DNM3: variants seen among roughly 807,000 people sequenced by gnomAD.
DNM3 encodes the protein dynamin-3.
Under a neutral mutation model 101.6 loss-of-function variants are expected in DNM3, and 47 were observed. The ratio of observed to expected loss-of-function variants is 0.46; its 90% confidence interval spans 0.37 to 0.59. The LOEUF is 0.59. DNM3 is among the 20% of genes least tolerant of loss of function. The pLI is 0.00. For missense variants in DNM3, 849 were observed against 1,085.7 expected (o/e 0.78, Z 3.06); for synonymous variants, 385 against 387.9 (o/e 0.99, Z 0.09).
intron 14 of DNM3, among the ~76,000 whole-genome samples, chr1:172,144,167 G>C (rs528001099): frequency 1.4e-5 from 2 of 148,052 alleles, no homozygotes; most frequent in South Asian, 4.3e-4. Flanking sequence ...GAAAACACTT[G>C]AATTATCAAT....
intron 2 of DNM3, among the ~76,000 whole-genome samples, chr1:171,960,294 A>ACTTAGG (rs1342652476): frequency 6.6e-6 from 1 of 152,146 alleles, no homozygotes; most frequent in Non-Finnish European, 1.5e-5. Flanking sequence ...CAACACTTCA[A>ACTTAGG]CTTAGGCTTC....
chr1:171,952,964 A>T (rs2042623166), intron 2 of DNM3, among the ~76,000 whole-genome samples: 1 of 152,052 alleles, frequency 6.6e-6, no homozygotes. Flanking sequence ...TTATTCTCTC[A>T]ATTCAGAGAG....
rs768247468 is a variant in DNM3, at chr1:171,987,789, A to G, written c.369A>G (p.Arg123=). The change falls in exon 3 of 21, where the codon CGA becomes CGG. Residue 123 remains arginine (R), a synonymous_variant. Coordinates refer to ENST00000627582, the MANE Select transcript of DNM3 (RefSeq NM_015569.5). ...TTTCCTCCATACCCATTAATTTACG[A>G]GTCTATTCCCCACACGGTAAGTAAA... is the stretch of plus-strand genomic sequence containing the variant. ...KGISSIPINL[R]VYSPHVLNLT... The G allele has an allele frequency of 7.6e-6, 12 of 1,570,266 alleles. No homozygotes were observed. In the South Asian group the frequency reaches 9.7e-5, roughly 13 times the overall value.
At position 172,092,880 on chromosome 1, in the gene DNM3, G is replaced by A. The variant is rs760241194; in HGVS notation, c.1545+5G>A. The A allele has an allele frequency of 6.4e-7, 1 of 1,556,888 alleles. No individual in the cohort carries two copies. Among genetic ancestry groups the A allele is most frequent in the Admixed American group, 1.9e-5 (1 of 51,658 alleles). Reference sequence around the variant, plus strand: ...AAAACCACAGTTGGAAATCAGGTAGGAATTGCATAAGAGAATCAGTGTATG... The same window carrying A: ...AAAACCACAGTTGGAAATCAGGTAGAAATTGCATAAGAGAATCAGTGTATG... On this transcript the variant is annotated splice_donor_5th_base_variant and intron_variant, in intron 13 of 20. Coordinates refer to ENST00000627582, the MANE Select transcript of DNM3 (RefSeq NM_015569.5).
intron 2 of DNM3, among the ~76,000 whole-genome samples, chr1:171,958,886 T>C (rs2043030821): frequency 6.6e-6 from 1 of 152,238 alleles, no homozygotes; most frequent in South Asian, 2.1e-4. Context: ...TAAAAAATTA[T>C]GGTTTTGAAT....
At chr1:172,027,300 C>T (rs1368975700) in intron 4 of DNM3, among the ~76,000 whole-genome samples, 1 of 152,006 alleles carries the variant, frequency 6.6e-6, no homozygotes, top group Admixed American at 6.5e-5. Flanking sequence ...AAAACACAGA[C>T]TGGGCTGGGC....
intron 10 of DNM3, among the ~76,000 whole-genome samples, chr1:172,054,046 GA>G (rs1310488848): frequency 1.3e-5 from 2 of 152,142 alleles, no homozygotes; most frequent in African/African-American, 2.4e-5. Context: ...CAGGCAATGT[GA>G]AAATAAGTAA....
intron 15 of DNM3, among the ~76,000 whole-genome samples, chr1:172,292,623 A>ACACACG (rs1339308974): frequency 5.4e-5 from 8 of 147,772 alleles, no homozygotes; most frequent in Non-Finnish European, 1.2e-4. Context: ...ACACACACAC[A>ACACACG]CGCGCGTGCG....
chr1:172,266,688 T>C (rs2062872111), intron 15 of DNM3, among the ~76,000 whole-genome samples: 1 of 152,094 alleles, frequency 6.6e-6, no homozygotes, highest in Non-Finnish European at 1.5e-5. Context: ...CCAACCCAAG[T>C]AGAGAAATGA....
intron 2 of DNM3, among the ~76,000 whole-genome samples, chr1:171,955,410 G>T (rs1408942917): frequency 1.3e-5 from 2 of 152,106 alleles, no homozygotes. Context: ...AATATATTAA[G>T]TGCACTGTGT....
At chr1:172,181,266 C>T (rs187611643) in intron 14 of DNM3, among the ~76,000 whole-genome samples, 20 of 152,040 alleles carry the variant, frequency 1.3e-4, no homozygotes, top group Non-Finnish European at 2.8e-4. Flanking sequence ...TCTGTTGACA[C>T]GCCCTTCAAA....
chr1:171,973,300 TTGAC>T (rs1378281659), intron 2 of DNM3, among the ~76,000 whole-genome samples: 1 of 152,210 alleles, frequency 6.6e-6, no homozygotes, highest in Admixed American at 6.5e-5. Context: ...ATTTAAATCT[TTGAC>T]TGGCATCTCC....
At chr1:172,137,449 T>C (rs1454740637) in intron 14 of DNM3, 1 of 152,166 alleles carries the variant, frequency 6.6e-6, no homozygotes, top group Non-Finnish European at 1.5e-5. Context: ...TATTTGTGCT[T>C]TGTAGTTTTG....
intron 14 of DNM3, among the ~76,000 whole-genome samples, chr1:172,190,836 A>G (rs933918069): frequency 5.3e-5 from 8 of 152,082 alleles, no homozygotes; most frequent in Non-Finnish European, 8.8e-5. Flanking sequence ...GTCTGTTCAT[A>G]TCCTTTGCCC....
chr1:171,946,362 G>A lies in DNM3; in HGVS notation c.235+24541G>A, dbSNP rs146233588. Among the ~76,000 whole-genome samples the A allele has an allele frequency of 7.2e-3, 1,102 of 152,258 alleles. 6 individuals are homozygous for A. Among genetic ancestry groups the A allele is most frequent in the Non-Finnish European group, 0.012 (815 of 68,022 alleles). ...TACCTACTATCTTAATAGGGAAAGG[G>A]GAGGGACAGAAGGGCACTTACTGGA... On this transcript the variant is annotated intron_variant, in intron 2 of 20. Transcript: ENST00000627582.
At chr1:171,993,544 T>A (rs2045790199) in intron 4 of DNM3, among the ~76,000 whole-genome samples, 1 of 151,082 alleles carries the variant, frequency 6.6e-6, no homozygotes. Flanking sequence ...ATGATATCTG[T>A]AGGTACAGAT....
At chr1:172,414,751 TA>T (rs11378822), downstream of DNM3, among the ~76,000 whole-genome samples, 15 of 100,136 alleles carry the variant, frequency 1.5e-4, no homozygotes, top group Admixed American at 2.0e-4. Context: ...ACCTCATCTC[TA>T]AAAAAAAAAA....
intron 13 of DNM3, among the ~76,000 whole-genome samples, chr1:172,122,874 AATCTCATTTT>A (rs2056403710): frequency 1.3e-5 from 2 of 152,286 alleles, no homozygotes; most frequent in South Asian, 4.2e-4. Flanking sequence ...ATAGAAGTAC[AATCTCATTTT>A]CCTCACCTAT....
chr1:172,119,274 G>T (rs112257300), intron 13 of DNM3, among the ~76,000 whole-genome samples: 1 of 151,972 alleles, frequency 6.6e-6, no homozygotes, highest in Non-Finnish European at 1.5e-5. Context: ...TTACAGGTGT[G>T]AGCCACCACA....
Sources: gnomAD v4.1 joint callset for allele counts (sites outside exome capture counted in the v4.1 genomes callset) on GRCh38, gnomAD v4.1.1 for gene constraint, MANE v1.5 for transcripts, NCBI Gene and HGNC (gene_info 2026-07-23, HGNC 2026-07-21) for gene names.